CASP8: variants seen among roughly 807,000 people sequenced by gnomAD.
CASP8 encodes the protein caspase 8.
In CASP8, 24 loss-of-function variants were observed where a neutral mutation model predicts 46.3. The observed-to-expected ratio is 0.52, with a 90% CI of 0.38 to 0.73. The LOEUF (loss-of-function observed/expected upper bound fraction) is 0.73, where lower values mean the gene tolerates loss of function less well. Ranked by LOEUF, CASP8 falls within the 30% of genes least tolerant of loss-of-function variation. The probability of loss-of-function intolerance (pLI) is 0.00; values close to 1 mark genes in which losing one functional copy is unlikely to be tolerated. For missense variants in CASP8, 460 were observed against 559.0 expected (o/e 0.82, Z 1.79); for synonymous variants, 188 against 200.4 (o/e 0.94, Z 0.52).
chr2:201,271,974 G>C (rs1168699457), intron 3 of CASP8, among the ~76,000 whole-genome samples: 1 of 152,082 alleles, frequency 6.6e-6, no homozygotes, highest in Non-Finnish European at 1.5e-5. Context: ...TATTGTGTCT[G>C]TGTGTTGTGT....
At position 201,276,794 on chromosome 2, in the gene CASP8, A is replaced by G. The variant is rs748839977; in HGVS notation, c.661-33A>G. On this transcript the variant is annotated intron_variant, in intron 6 of 8. Coordinates refer to ENST00000673742, the MANE Select transcript of CASP8 (RefSeq NM_001372051.1). ...TACATCTCTAGTGTTTGACCCACAG[A>G]GTCAGCTCCTGGGTTGGGTTTTTGT... 4.3e-6 allele frequency: 7 copies of G among 1,613,746 alleles called. No individual in the cohort carries two copies. In the South Asian group the frequency reaches 5.5e-5, roughly 13 times the overall value.
At position 201,274,937 on chromosome 2, in the gene CASP8, AG is replaced by A; in HGVS notation, c.646del (p.Asp216IlefsTer13). On this transcript the variant is annotated frameshift_variant, in exon 6 of 9. Transcript: ENST00000673742. LOFTEE classifies it high-confidence loss of function. ...ACAATCTCGGACTCTCCAAGAGAACAGGATAGTGAATCACAGGTAGACGGAA... is the reference window on the plus strand; with the variant it reads ...ACAATCTCGGACTCTCCAAGAGAACAGATAGTGAATCACAGGTAGACGGAA... ...VMTISDSPREQDSESQTLDKV... is the reference protein window; with the variant it reads ...VMTISDSPREXDSESQTLDKV... 1 of 1,612,026 alleles carries A rather than the reference AG, an allele frequency of 6.2e-7. No homozygotes were observed. The highest frequency in any genetic ancestry group is 8.5e-7 in the Non-Finnish European group (1 of 1,178,246).
intron 7 of CASP8, among the ~76,000 whole-genome samples, chr2:201,283,371 C>T (rs1949270541): frequency 6.3e-5 from 4 of 63,564 alleles, no homozygotes; most frequent in African/African-American, 2.2e-4. Flanking sequence ...ACCTCCCGGA[C>T]GGGGCGGCTG....
At chr2:201,283,051 C>G (rs1255710005) in intron 7 of CASP8, among the ~76,000 whole-genome samples, 5 of 70,054 alleles carry the variant, frequency 7.1e-5, no homozygotes, top group Admixed American at 2.2e-4. Flanking sequence ...GGGGCTGACC[C>G]CCCCTCCCCC....
chr2:201,247,797 A>T (rs958801405), intron 2 of CASP8, among the ~76,000 whole-genome samples: 4 of 152,132 alleles, frequency 2.6e-5, no homozygotes, highest in Non-Finnish European at 4.4e-5. Flanking sequence ...GGTGCCCGCC[A>T]CCACACCTGG....
rs1422231516 is a variant in CASP8 at position 201,272,792 on chromosome 2, C to G, written c.550+16C>G. ...TTCAGCAAAGGTAGAAACAACCTGACAGCCGGGAATCGGCAAAACCTACTC... is the reference window on the plus strand; with the variant it reads ...TTCAGCAAAGGTAGAAACAACCTGAGAGCCGGGAATCGGCAAAACCTACTC... On this transcript the variant is annotated intron_variant, in intron 4 of 8. Transcript: ENST00000673742. This position sits in a 1 kb window ranked among gnomAD's most constrained non-coding sequence, Gnocchi z 4.4. 17 of 1,614,184 alleles carry G rather than the reference C, an allele frequency of 1.1e-5. No individual in the cohort carries two copies. The highest frequency in any genetic ancestry group is 1.4e-5 in the Non-Finnish European group (17 of 1,180,016).
upstream of CASP8, among the ~76,000 whole-genome samples, chr2:201,257,784 G>T (rs1036439760): frequency 6.6e-6 from 1 of 152,228 alleles, no homozygotes; most frequent in African/African-American, 2.4e-5. Flanking sequence ...TGTGACTTCA[G>T]TGCTGAGGTT....
chr2:201,247,442 A>G (rs868265822), intron 2 of CASP8, among the ~76,000 whole-genome samples: 4 of 150,510 alleles, frequency 2.7e-5, no homozygotes, highest in Non-Finnish European at 4.4e-5. Context: ...ACATTTCCCC[A>G]GGGGCTGCAG....
In CASP8 at chr2:201,283,726, C is replaced by CTGGG. The variant is rs1264140561; in HGVS notation, c.803-1090_803-1089insTGGG. Among the ~76,000 whole-genome samples, 115 of 79,524 alleles carry CTGGG rather than the reference C, an allele frequency of 1.4e-3. 1 individual carries two copies. Among genetic ancestry groups the CTGGG allele is most frequent in the Non-Finnish European group, 2.6e-3 (82 of 31,600 alleles). 52.2% of individuals were successfully genotyped at this position (79,524 alleles called of 152,430 possible). A position where few individuals can be genotyped will look rare whatever the true frequency, so the allele number is the denominator to read the frequency against. ...CCTCCCTCCCGGACGGGGCGGCTGGCCGGGCAGAGGGGCTCCTCACTTCCC... is the reference window on the plus strand; with the variant it reads ...CCTCCCTCCCGGACGGGGCGGCTGGCTGGGCGGGCAGAGGGGCTCCTCACTTCCC... On this transcript the variant is annotated intron_variant, in intron 7 of 8. Coordinates refer to ENST00000673742, the MANE Select transcript of CASP8 (RefSeq NM_001372051.1).
At chr2:201,271,647 T>A (rs1948255057) in intron 3 of CASP8, 26 bp downstream of exon 3, 2 of 1,392,264 alleles carry the variant, frequency 1.4e-6, no homozygotes, top group South Asian at 2.3e-5. Context: ...TTACTGAGAT[T>A]TAGTCCTGAG....
At chr2:201,249,746 G>A (rs1465245491) in intron 2 of CASP8, among the ~76,000 whole-genome samples, 1 of 152,122 alleles carries the variant, frequency 6.6e-6, no homozygotes, top group Admixed American at 6.6e-5. Flanking sequence ...AAAAGAAAGA[G>A]CAGAAAGTAG....
rs1384482024 is a variant in CASP8 at position 201,282,713 on chromosome 2, C to T, written c.803-2103C>T. 4.0e-4 allele frequency among the ~76,000 whole-genome samples: 36 copies of T among 89,546 alleles called. 7 individuals are homozygous for T. The highest frequency in any genetic ancestry group is 8.7e-4 in the Non-Finnish European group (32 of 36,992). The allele number at this position is 89,546 out of a possible 152,430, so 58.7% of individuals were successfully genotyped here. ...GGGGGCTGTTCCCCCCACCTCCCTC[C>T]CGGATGGGGCGGCTGGCCGGGCAGA... On this transcript the variant is annotated intron_variant, in intron 7 of 8. Coordinates refer to ENST00000673742, the MANE Select transcript of CASP8 (RefSeq NM_001372051.1).
upstream of CASP8, among the ~76,000 whole-genome samples, chr2:201,256,256 C>G (rs1947013015): frequency 6.6e-6 from 1 of 152,226 alleles, no homozygotes; most frequent in African/African-American, 2.4e-5. Context: ...TGACTAACCA[C>G]TCAGGGTTTT....
upstream of CASP8, chr2:201,258,513 G>C: frequency 9.5e-7 from 1 of 1,048,036 alleles, no homozygotes; most frequent in Non-Finnish European, 1.5e-6. Flanking sequence ...ACACCTCTGG[G>C]TGCTGCCTGG....
At position 201,284,968 on chromosome 2, in the gene CASP8, G is replaced by C. The variant is rs761698212; in HGVS notation, c.955G>C (p.Asp319His). ...CFICCILSHGDKGIIYGTDGQ... is the reference protein window; with the variant it reads ...CFICCILSHGHKGIIYGTDGQ... ...CATCTGCTGTATCCTCTCCCATGGAGACAAGGGCATCATCTATGGCACTGA... is the reference window on the plus strand; with the variant it reads ...CATCTGCTGTATCCTCTCCCATGGACACAAGGGCATCATCTATGGCACTGA... The change falls in exon 8 of 9, where the codon GAC (aspartate) becomes CAC (histidine). Residue 319 changes from aspartate (D) to histidine (H), a missense_variant. Asp to His is a moderately conservative substitution (Grantham distance 81). Transcript: ENST00000673742. 6.2e-7 allele frequency: 1 copy of C among 1,614,130 alleles called. No individual in the cohort carries two copies. The highest frequency in any genetic ancestry group is 1.1e-5 in the South Asian group (1 of 91,088).
intron 1 of CASP8, among the ~76,000 whole-genome samples, chr2:201,263,540 A>G (rs1168163283): frequency 6.6e-6 from 1 of 152,196 alleles, no homozygotes; most frequent in Non-Finnish European, 1.5e-5. Context: ...ATTACTGGGC[A>G]TTTATATTTG....
chr2:201,284,338 T>TGGA (rs1262980532), intron 7 of CASP8, among the ~76,000 whole-genome samples: 3 of 67,810 alleles, frequency 4.4e-5, no homozygotes, highest in Non-Finnish European at 9.6e-5. Flanking sequence ...GGCTGGGAGG[T>TGGA]GGTTGTAGCA....
At chr2:201,249,417 AAC>A (rs1365025063) in intron 2 of CASP8, among the ~76,000 whole-genome samples, 1 of 152,240 alleles carries the variant, frequency 6.6e-6, no homozygotes, top group African/African-American at 2.4e-5. Flanking sequence ...ATTTTTTAAG[AAC>A]AGTTTCAGGT....
chr2:201,265,554 G>A (rs904076838), intron 1 of CASP8, among the ~76,000 whole-genome samples: 1 of 152,148 alleles, frequency 6.6e-6, no homozygotes, highest in African/African-American at 2.4e-5. Flanking sequence ...AAGTCTTCCA[G>A]TCTGTCCTTT....
Sources: gnomAD v4.1 joint callset for allele counts (sites outside exome capture counted in the v4.1 genomes callset) on GRCh38, gnomAD v4.1.1 for gene constraint, Gnocchi (gnomAD v3.1) non-coding constraint, MANE v1.5 for transcripts, NCBI Gene and HGNC (gene_info 2026-07-23, HGNC 2026-07-21) for gene names.